The following ADPGK variants were observed in gnomAD, a reference collection of about 807,000 sequenced individuals.
ADPGK encodes the protein ADP-dependent glucokinase.
In ADPGK, 26 loss-of-function variants were observed where a neutral mutation model predicts 42.4. The observed-to-expected ratio is 0.61, with a 90% CI of 0.45 to 0.85. The LOEUF (loss-of-function observed/expected upper bound fraction) is 0.85. Among genes scored for constraint, ADPGK ranks in the 40% least tolerant of loss-of-function variants. The probability of loss-of-function intolerance (pLI) is 0.00; values close to 1 mark genes in which losing one functional copy is unlikely to be tolerated. For missense variants in ADPGK, 571 were observed against 627.0 expected (o/e 0.91, Z 0.95); for synonymous variants, 267 against 252.6 (o/e 1.06, Z -0.54).
At chr15:72,782,156 A>C (rs1023687831) in intron 1 of ADPGK, among the ~76,000 whole-genome samples, 1 of 152,190 alleles carries the variant, frequency 6.6e-6, no homozygotes, top group East Asian at 1.9e-4. Flanking sequence ...GCCTTGCTTC[A>C]CCCATCTCTG....
intron 1 of ADPGK, among the ~76,000 whole-genome samples, chr15:72,780,416 C>A (rs559048689): frequency 5.9e-5 from 9 of 152,188 alleles, no homozygotes; most frequent in African/African-American, 2.2e-4. Context: ...TCCACCTGGT[C>A]TCTCCCTTGA....
chr15:72,756,626 A>C, intron 4 of ADPGK, 179 bp from the exon 5 acceptor site: 1 of 644,800 alleles, frequency 1.6e-6, no homozygotes, highest in Non-Finnish European at 2.6e-6. Flanking sequence ...ACAAACCAAA[A>C]ACCTAAACCC....
chr15:72,774,820 T>C, intron 2 of ADPGK, 52 bp downstream of exon 2: 1 of 1,521,004 alleles, frequency 6.6e-7, no homozygotes, highest in Non-Finnish European at 9.0e-7. Flanking sequence ...GGAACCATAT[T>C]AAAAAGGCAT....
chr15:72,773,222 G>T (rs2066350348), intron 2 of ADPGK, among the ~76,000 whole-genome samples: 1 of 152,176 alleles, frequency 6.6e-6, no homozygotes, highest in Admixed American at 6.5e-5. Context: ...GACTGGACAA[G>T]GTTGGAGTAA....
At chr15:72,760,622 A>G in intron 3 of ADPGK, 95 bp from the exon 4 acceptor site, 18 of 1,387,160 alleles carry the variant, frequency 1.3e-5, no homozygotes, top group Non-Finnish European at 1.7e-5. Context: ...GGCTGATTCT[A>G]ATCATTTCAA....
At chr15:72,755,532 C>CA (rs1361728090) in intron 6 of ADPGK, 24 bp downstream of exon 6, 1 of 1,582,934 alleles carries the variant, frequency 6.3e-7, no homozygotes, top group Admixed American at 1.7e-5. Flanking sequence ...GGATCAGGGC[C>CA]AAACGATGGT....
intron 1 of ADPGK, 114 bp from the exon 2 acceptor site, chr15:72,775,211 A>G (rs1226680523): frequency 2.3e-6 from 2 of 887,074 alleles, no homozygotes; most frequent in Admixed American, 2.3e-5. Flanking sequence ...AACAGGAAGT[A>G]GGTCTGAAAC....
chr15:72,780,352 GAACTCACTATC>G (rs2151096113), intron 1 of ADPGK, among the ~76,000 whole-genome samples: 1 of 152,192 alleles, frequency 6.6e-6, no homozygotes, highest in East Asian at 1.9e-4. Context: ...TCATGAGAAC[GAACTCACTATC>G]AGGAGAACAG....
chr15:72,751,599 C>G lies in ADPGK; in HGVS notation c.*742G>C, dbSNP rs1432730836. 1 of 152,636 alleles carries G rather than the reference C, an allele frequency of 6.6e-6. No homozygotes were observed. Among genetic ancestry groups the G allele is most frequent in the Admixed American group, 6.5e-5 (1 of 15,282 alleles). The allele number at this position is 152,636 out of a possible 1,614,324, so 9.5% of individuals were successfully genotyped here. A position where few individuals can be genotyped will look rare whatever the true frequency, so the allele number is the denominator to read the frequency against. On this transcript the variant is annotated 3_prime_UTR_variant, in exon 7 of 7. Transcript: ENST00000456471. Reference sequence around the variant, plus strand: ...AGGCTCAGAACGAACAAAAATCAGTCTTTATGGCAGAAAGCACATCCAAAG... The same window carrying G: ...AGGCTCAGAACGAACAAAAATCAGTGTTTATGGCAGAAAGCACATCCAAAG...
At chr15:72,764,805 T>C (rs1426441118) in intron 3 of ADPGK, among the ~76,000 whole-genome samples, 1 of 152,184 alleles carries the variant, frequency 6.6e-6, no homozygotes, top group Admixed American at 6.5e-5. Flanking sequence ...GACTCTCTTT[T>C]TGGGGCTAAC....
At position 72,783,688 on chromosome 15, in the gene ADPGK, C is replaced by A. The variant is rs1033761066; in HGVS notation, c.4G>T (p.Ala2Ser). Reference protein sequence around the residue: MALWRGSAYAGF... With the variant: MSLWRGSAYAGF... Reference sequence around the variant, plus strand: ...GCGTACGCGGAGCCGCGCCACAGCGCCATGGGGACCCAGGCGCCGCACCTG... The same window carrying A: ...GCGTACGCGGAGCCGCGCCACAGCGACATGGGGACCCAGGCGCCGCACCTG... Residue 2 changes from alanine (A) to serine (S), a missense_variant, in exon 1 of 7, where the codon GCG (alanine) becomes TCG (serine). Ala to Ser is a moderately conservative substitution (Grantham distance 99, BLOSUM62 1). Coordinates refer to ENST00000456471, the MANE Select transcript of ADPGK (RefSeq NM_001365225.1). 2.0e-6 allele frequency: 3 copies of A among 1,478,016 alleles called. No individual in the cohort carries two copies. The highest frequency in any genetic ancestry group is 2.7e-6 in the Non-Finnish European group (3 of 1,121,058). 91.6% of individuals were successfully genotyped at this position (1,478,016 alleles called of 1,614,324 possible).
At chr15:72,765,142 GAA>G (rs1274198721) in intron 3 of ADPGK, among the ~76,000 whole-genome samples, 2 of 152,108 alleles carry the variant, frequency 1.3e-5, no homozygotes, top group Non-Finnish European at 2.9e-5. Context: ...CATAAATTAA[GAA>G]GTTATTTTGA....
chr15:72,772,417 T>C (rs1386343898), intron 2 of ADPGK, among the ~76,000 whole-genome samples: 2 of 152,186 alleles, frequency 1.3e-5, no homozygotes, highest in African/African-American at 2.4e-5. Context: ...CCCTTTCTCA[T>C]ATACTAGGTA....
At position 72,767,871 on chromosome 15, in the gene ADPGK, A is replaced by G. The variant is rs78108442; in HGVS notation, c.522+3912T>C. On this transcript the variant is annotated intron_variant, in intron 3 of 6. Transcript: ENST00000456471. ...TATGAGAAAACAGGAAAGGTCTCAA[A>G]TCAATGATTGTAGCTTCTCACCTTA... is the stretch of plus-strand genomic sequence containing the variant. 4.1e-3 allele frequency among the ~76,000 whole-genome samples: 626 copies of G among 152,348 alleles called. 3 individuals carry two copies. Among genetic ancestry groups the G allele is most frequent in the African/African-American group, 0.015 (607 of 41,586 alleles).
At position 72,755,542 on chromosome 15, in the gene ADPGK, T is replaced by C; in HGVS notation, c.939+14A>G. 1 of 1,596,760 alleles carries C rather than the reference T, an allele frequency of 6.3e-7. No homozygotes were observed. Among genetic ancestry groups the C allele is most frequent in the African/African-American group, 1.3e-5 (1 of 74,584 alleles). Reference sequence around the variant, plus strand: ...TATGAGGATCAGGGCCAAACGATGGTCCCATGAGGTTACCTGATGGACAAT... The same window carrying C: ...TATGAGGATCAGGGCCAAACGATGGCCCCATGAGGTTACCTGATGGACAAT... On this transcript the variant is annotated intron_variant, in intron 6 of 6. Coordinates refer to ENST00000456471, the MANE Select transcript of ADPGK (RefSeq NM_001365225.1).
chr15:72,783,694 G>A lies in ADPGK; in HGVS notation c.-3C>T, dbSNP rs960436906. ...GCGGAGCCGCGCCACAGCGCCATGG[G>A]GACCCAGGCGCCGCACCTGCGCGAA... is the stretch of plus-strand genomic sequence containing the variant. On this transcript the variant is annotated 5_prime_UTR_variant, in exon 1 of 7. Coordinates refer to ENST00000456471, the MANE Select transcript of ADPGK (RefSeq NM_001365225.1). 15 of 1,470,822 alleles carry A rather than the reference G, an allele frequency of 1.0e-5. No individual in the cohort carries two copies. Among genetic ancestry groups the A allele is most frequent in the African/African-American group, 5.9e-5 (4 of 67,852 alleles). The allele number at this position is 1,470,822 out of a possible 1,614,324, so 91.1% of individuals were successfully genotyped here.
At chr15:72,769,218 G>C (rs980723239) in intron 3 of ADPGK, among the ~76,000 whole-genome samples, 2 of 152,120 alleles carry the variant, frequency 1.3e-5, no homozygotes, top group Non-Finnish European at 2.9e-5. Flanking sequence ...TTTAATATGT[G>C]AAAGTCAATA....
intron 2 of ADPGK, among the ~76,000 whole-genome samples, chr15:72,774,438 C>T (rs1382463345): frequency 1.3e-5 from 2 of 152,140 alleles, no homozygotes; most frequent in South Asian, 2.1e-4. Flanking sequence ...TCTTATTCCA[C>T]GTGAACCTCC....
chr15:72,778,518 T>C (rs565297998), intron 1 of ADPGK, among the ~76,000 whole-genome samples: 2 of 152,108 alleles, frequency 1.3e-5, no homozygotes, highest in Admixed American at 1.3e-4. Context: ...AAAATGTATA[T>C]TAGATGACTG....
Sources: gnomAD v4.1 joint callset for allele counts (sites outside exome capture counted in the v4.1 genomes callset) on GRCh38, gnomAD v4.1.1 for gene constraint, MANE v1.5 for transcripts, NCBI Gene and HGNC (gene_info 2026-07-23, HGNC 2026-07-21) for gene names.